AS3MT: variants seen among roughly 807,000 people sequenced by gnomAD.
AS3MT encodes the protein arsenite methyltransferase, also known as S-adenosyl-L-methionine:arsenic(III) methyltransferase.
Under a neutral mutation model 45.3 loss-of-function variants are expected in AS3MT, and 47 were observed. The observed-to-expected ratio is 1.04, with a 90% CI of 0.82 to 1.32. AS3MT has a LOEUF of 1.32. Ranked by LOEUF, AS3MT falls within the 40% of genes most tolerant of loss-of-function variation. The pLI is 0.00. For synonymous variants in AS3MT, 141 were observed against 152.8 expected (o/e 0.92, Z 0.57); for missense variants, 396 against 451.1 (o/e 0.88, Z 1.11).
chr10:102,876,893 G>A, intron 6 of AS3MT, 61 bp from the exon 7 acceptor site: 3 of 1,509,818 alleles, frequency 2.0e-6, no homozygotes, highest in Non-Finnish European at 2.8e-6. Flanking sequence ...TCCTTTCTTT[G>A]TTATGTGGGG....
rs1021624994 is a variant in AS3MT, at chr10:102,869,906, G to T, written c.42+61G>T. 2.5e-6 allele frequency: 4 copies of T among 1,603,726 alleles called. No homozygotes were observed. The African/African-American group carries it at 5.3e-5, about 21-fold the overall frequency. ...GCCTAGGCTAATGGAAGTCTGGCCT[G>T]GCCCGCACCCTGTCCCCCGGGACTC... is the stretch of plus-strand genomic sequence containing the variant. On this transcript the variant is annotated intron_variant, in intron 2 of 10. Transcript: ENST00000369880.
chr10:102,872,576 G>A lies in AS3MT; in HGVS notation c.299G>A (p.Gly100Glu). 1 of 1,613,040 alleles carries A rather than the reference G, an allele frequency of 6.2e-7. No homozygotes were observed. Among genetic ancestry groups the A allele is most frequent in the Non-Finnish European group, 8.5e-7 (1 of 1,179,704 alleles). Residue 100 changes from glycine to glutamate, a missense_variant, in exon 4 of 11, where the codon GGA (glycine) becomes GAA (glutamate). Transcript: ENST00000369880. ...GTTGGTGAAAAAGGACACGTGACTG[G>A]AATAGACATGACCAAAGGCCAGGTG... ...QLVGEKGHVT[G>E]IDMTKGQVEV...
rs183878464 is a variant in AS3MT at position 102,878,466 on chromosome 10, C to A, written c.698C>A (p.Ala233Asp). 1.1e-5 allele frequency: 17 copies of A among 1,613,862 alleles called. No individual in the cohort carries two copies. The African/African-American group carries it at 2.0e-4, about 19-fold the overall frequency. The change falls in exon 8 of 11, where the codon GCC becomes GAC. Residue 233 changes from alanine to aspartate, a missense_variant. By Grantham distance (126) the Ala-to-Asp change is moderately radical (BLOSUM62 -2). Coordinates refer to ENST00000369880, the MANE Select transcript of AS3MT (RefSeq NM_020682.4). ...TTCTGCCCTCCACGTTTGGTCACTG[C>A]CAATCTCATTACAATTCAAAACAAG... is the stretch of plus-strand genomic sequence containing the variant. ...IGFCPPRLVT[A>D]NLITIQNKEL...
At chr10:102,874,347 G>A (rs1000696126) in intron 5 of AS3MT, among the ~76,000 whole-genome samples, 8 of 152,124 alleles carry the variant, frequency 5.3e-5, no homozygotes, top group Non-Finnish European at 1.2e-4. Context: ...ACAGAAACAA[G>A]TAAGAATCAT....
At chr10:102,879,568 C>A (rs1346346260) in intron 9 of AS3MT, among the ~76,000 whole-genome samples, 1 of 151,848 alleles carries the variant, frequency 6.6e-6, no homozygotes, top group Non-Finnish European at 1.5e-5. Flanking sequence ...GAGTTCGAGA[C>A]CAGCCTGACG....
rs563909059 is a variant in AS3MT, at chr10:102,880,918, G to A, written c.885+1927G>A. ...TAGAGGACAAGAAATATAAAATTTAGTCAACTTTGCTGCTTTCTCAGTTCC... is the reference window on the plus strand; with the variant it reads ...TAGAGGACAAGAAATATAAAATTTAATCAACTTTGCTGCTTTCTCAGTTCC... On this transcript the variant is annotated intron_variant, in intron 9 of 10. Coordinates refer to ENST00000369880, the MANE Select transcript of AS3MT (RefSeq NM_020682.4). 3.9e-5 allele frequency among the ~76,000 whole-genome samples: 6 copies of A among 152,290 alleles called. No homozygotes were observed. The South Asian group carries it at 1.2e-3, about 32-fold the overall frequency.
intron 9 of AS3MT, among the ~76,000 whole-genome samples, chr10:102,888,881 A>ATATATTTTT (rs1491503446): frequency 5.7e-5 from 3 of 52,522 alleles, no homozygotes; most frequent in Admixed American, 2.9e-4. Flanking sequence ...ATATATATAT[A>ATATATTTTT]TTTTTTTTTT....
chr10:102,877,122 A>G, intron 7 of AS3MT, 87 bp downstream of exon 7: 2 of 1,251,950 alleles, frequency 1.6e-6, no homozygotes, highest in Non-Finnish European at 2.3e-6. Flanking sequence ...ATGAGGCTAT[A>G]TGAGATCACA....
At chr10:102,888,161 T>G (rs1844988341) in intron 9 of AS3MT, 1 of 155,106 alleles carries the variant, frequency 6.4e-6, no homozygotes, top group Non-Finnish European at 1.4e-5. Context: ...CAGTCAAGAG[T>G]GAACATCATA....
intron 10 of AS3MT, among the ~76,000 whole-genome samples, chr10:102,894,883 C>T (rs993618255): frequency 1.2e-4 from 19 of 152,258 alleles, no homozygotes; most frequent in African/African-American, 1.9e-4. Context: ...AGTTGTCCCA[C>T]GTTTCTGGTC....
At position 102,870,137 on chromosome 10, in the gene AS3MT, T is replaced by TGTCA; in HGVS notation, c.97_100dup (p.Thr34SerfsTer35). 6.2e-7 allele frequency: 1 copy of TGTCA among 1,614,170 alleles called. No individual in the cohort carries two copies. Among genetic ancestry groups the TGTCA allele is most frequent in the Non-Finnish European group, 8.5e-7 (1 of 1,180,034 alleles). Reference sequence around the variant, plus strand: ...CGGCAGACCTCCAGACCAACGGCTGTGTCACCACAGCCAGGCCGGTCCCCA... The same window carrying TGTCA: ...CGGCAGACCTCCAGACCAACGGCTGTGTCAGTCACCACAGCCAGGCCGGTCCCCA... On this transcript the variant is annotated frameshift_variant, in exon 3 of 11. Transcript: ENST00000369880. LOFTEE classifies it high-confidence loss of function.
At chr10:102,886,953 T>C (rs191495272) in intron 9 of AS3MT, among the ~76,000 whole-genome samples, 1 of 152,338 alleles carries the variant, frequency 6.6e-6, no homozygotes, top group East Asian at 1.9e-4. Context: ...ACTTTTTTGA[T>C]ATAGGCATTT....
chr10:102,882,326 G>A (rs1485372850), intron 9 of AS3MT, among the ~76,000 whole-genome samples: 1 of 151,074 alleles, frequency 6.6e-6, no homozygotes, highest in East Asian at 1.9e-4. Context: ...TTGCAAGCAT[G>A]TGTCACTGTG....
chr10:102,888,873 A>ATTTTTTTTTT (rs1416621656), intron 9 of AS3MT, among the ~76,000 whole-genome samples: 1 of 62,326 alleles, frequency 1.6e-5, no homozygotes, highest in Admixed American at 1.7e-4. Context: ...ATATATATAT[A>ATTTTTTTTTT]TATATATATT....
rs752623913 is a variant in AS3MT at position 102,877,070 on chromosome 10, A to G, written c.610+35A>G. 3.2e-6 allele frequency: 5 copies of G among 1,576,728 alleles called. No individual in the cohort carries two copies. In the African/African-American group the frequency reaches 5.4e-5, roughly 17 times the overall value. ...TTTGTTTAGTTTAGTATTAAGGCAG[A>G]TGGTTGTACATGTGCAGAACTCCTT... On this transcript the variant is annotated intron_variant, in intron 7 of 10. Transcript: ENST00000369880.
chr10:102,888,873 A>ATTTTTT (rs1416621656), intron 9 of AS3MT, among the ~76,000 whole-genome samples: 2 of 62,326 alleles, frequency 3.2e-5, no homozygotes, highest in East Asian at 6.7e-4. Flanking sequence ...ATATATATAT[A>ATTTTTT]TATATATATT....
chr10:102,878,451 C>T lies in AS3MT; in HGVS notation c.683C>T (p.Pro228Leu). ...GCTCAAAAAATTGGGTTCTGCCCTC[C>T]ACGTTTGGTCACTGCCAATCTCATT... The part of the protein sequence containing the change: ...VLAQKIGFCP[P>L]RLVTANLITI... The change falls in exon 8 of 11, where the codon CCA (proline) becomes CTA (leucine). Residue 228 changes from proline (P) to leucine (L), a missense_variant. Physicochemically the swap from Pro to Leu is moderately conservative, Grantham distance 98. Coordinates refer to ENST00000369880, the MANE Select transcript of AS3MT (RefSeq NM_020682.4). 1.2e-6 allele frequency: 2 copies of T among 1,613,992 alleles called. No individual in the cohort carries two copies. The highest frequency in any genetic ancestry group is 2.2e-5 in the South Asian group (2 of 91,058).
At chr10:102,886,305 C>T (rs1844954545) in intron 9 of AS3MT, among the ~76,000 whole-genome samples, 2 of 141,780 alleles carry the variant, frequency 1.4e-5, no homozygotes, top group African/African-American at 5.1e-5. Flanking sequence ...CCCTCCCTCC[C>T]TCCCTTCTTC....
chr10:102,878,779 C>G (rs573722352), intron 8 of AS3MT, 70 bp from the exon 9 acceptor site: 6 of 1,553,082 alleles, frequency 3.9e-6, no homozygotes, highest in Non-Finnish European at 5.2e-6. Context: ...CGTGTTTGCT[C>G]CTTGTCTGCT....
Sources: allele counts gnomAD v4.1 joint callset (sites outside exome capture counted in the v4.1 genomes callset), GRCh38; gene constraint gnomAD v4.1.1; transcripts MANE v1.5; gene names NCBI Gene and HGNC (gene_info 2026-07-23, HGNC 2026-07-21).